Variants in DAB1 observed in about 807,000 individuals in gnomAD.
DAB1 encodes DAB adaptor protein 1, also known as disabled homolog 1.
Under a neutral mutation model 64.6 loss-of-function variants are expected in DAB1, and 15 were observed. The ratio of observed to expected loss-of-function variants is 0.23; its 90% CI spans 0.16 to 0.36. The LOEUF (loss-of-function observed/expected upper bound fraction) is 0.36, where lower values mean the gene tolerates loss of function less well. DAB1 is among the 10% of genes least tolerant of loss of function. The probability of loss-of-function intolerance (pLI) is 1.00; values close to 1 mark genes in which losing one functional copy is unlikely to be tolerated. For missense variants in DAB1, 596 were observed against 706.7 expected (o/e 0.84, Z 1.78); for synonymous variants, 235 against 251.9 (o/e 0.93, Z 0.64).
intron 1 of DAB1, among the ~76,000 whole-genome samples, chr1:57,390,687 A>AAGGAGAAAT (rs1468232258): frequency 6.6e-6 from 1 of 152,248 alleles, no homozygotes; most frequent in Non-Finnish European, 1.5e-5. Context: ...AGGACAAGAC[A>AAGGAGAAAT]AGGAGAAATC....
At chr1:58,219,103 C>T (rs977857237) in intron 4 of DAB1, among the ~76,000 whole-genome samples, 5 of 151,318 alleles carry the variant, frequency 3.3e-5, no homozygotes, top group Non-Finnish European at 7.4e-5. Context: ...GTGATATGAG[C>T]GCTAGAAGAA....
At chr1:57,093,054 C>T (rs1420263455) in intron 4 of DAB1, among the ~76,000 whole-genome samples, 1 of 152,056 alleles carries the variant, frequency 6.6e-6, no homozygotes, top group Non-Finnish European at 1.5e-5. Flanking sequence ...TGCAAAGACC[C>T]AGATAGACCT....
At chr1:58,050,716 A>G (rs1002364911) in intron 5 of DAB1, among the ~76,000 whole-genome samples, 3 of 152,080 alleles carry the variant, frequency 2.0e-5, no homozygotes, top group African/African-American at 7.2e-5. Flanking sequence ...TTTTTAGTAG[A>G]GACGGGGTCT....
chr1:58,021,313 A>T (rs1646812075), intron 5 of DAB1, among the ~76,000 whole-genome samples: 1 of 152,226 alleles, frequency 6.6e-6, no homozygotes, highest in South Asian at 2.1e-4. Context: ...TGCCATCACT[A>T]TTCTAAATGC....
intron 2 of DAB1, among the ~76,000 whole-genome samples, chr1:57,156,670 A>C (rs996295320): frequency 6.6e-6 from 1 of 152,210 alleles, no homozygotes; most frequent in African/African-American, 2.4e-5. Context: ...TCAAGGAATA[A>C]AATTCCTAAT....
At chr1:57,188,240 T>C (rs920093468) in intron 2 of DAB1, among the ~76,000 whole-genome samples, 1 of 152,180 alleles carries the variant, frequency 6.6e-6, no homozygotes, top group Non-Finnish European at 1.5e-5. Context: ...CCAGGCAAGT[T>C]GTCCCATTGA....
intron 4 of DAB1, among the ~76,000 whole-genome samples, chr1:58,291,106 T>C (rs1280821015): frequency 6.6e-6 from 1 of 152,158 alleles, no homozygotes; most frequent in East Asian, 1.9e-4. Flanking sequence ...AAGGAATAAA[T>C]TGAAGTAGCA....
chr1:57,314,769 A>AACAC (rs34741914), intron 1 of DAB1, among the ~76,000 whole-genome samples: 3 of 150,682 alleles, frequency 2.0e-5, no homozygotes, highest in African/African-American at 7.3e-5. Flanking sequence ...AAAAACACAA[A>AACAC]ACACACACAC....
intron 3 of DAB1, among the ~76,000 whole-genome samples, chr1:58,396,958 G>C (rs1224134584): frequency 6.6e-6 from 1 of 151,968 alleles, no homozygotes; most frequent in Non-Finnish European, 1.5e-5. Context: ...CCAGCTACTC[G>C]GGAGGCTGAG....
chr1:57,188,861 G>A (rs753871876), intron 2 of DAB1, among the ~76,000 whole-genome samples: 18 of 152,124 alleles, frequency 1.2e-4, no homozygotes, highest in Middle Eastern at 3.2e-3. Flanking sequence ...TACCAGGCAC[G>A]TTACTAAAAT....
chr1:57,204,452 A>T (rs1279613561), intron 2 of DAB1, among the ~76,000 whole-genome samples: 3 of 33,314 alleles, frequency 9.0e-5, no homozygotes, highest in East Asian at 5.8e-4. Flanking sequence ...GTCTAGATTT[A>T]AAAAAAAAAA....
At chr1:58,165,667 C>T (rs938605100) in intron 4 of DAB1, among the ~76,000 whole-genome samples, 11 of 152,154 alleles carry the variant, frequency 7.2e-5, no homozygotes, top group Non-Finnish European at 1.0e-4. Flanking sequence ...GTATTCCAAG[C>T]CTAGACCACA....
chr1:57,768,492 G>T (rs1649417930), intron 6 of DAB1, among the ~76,000 whole-genome samples: 1 of 150,772 alleles, frequency 6.6e-6, no homozygotes, highest in Non-Finnish European at 1.5e-5. Flanking sequence ...TTTTAAGAGG[G>T]ATTTACCTAT....
intron 6 of DAB1, among the ~76,000 whole-genome samples, chr1:57,667,239 A>G (rs1646459205): frequency 6.6e-6 from 1 of 152,158 alleles, no homozygotes; most frequent in South Asian, 2.1e-4. Context: ...TTACCTTATG[A>G]AAGATTGCAG....
intron 2 of DAB1, among the ~76,000 whole-genome samples, chr1:57,159,781 T>C (rs1660563506): frequency 7.0e-6 from 1 of 141,944 alleles, no homozygotes; most frequent in Non-Finnish European, 1.5e-5. Context: ...CAGCAATTTT[T>C]CCAGACAAAG....
intron 3 of DAB1, among the ~76,000 whole-genome samples, chr1:58,422,591 T>C (rs1185645229): frequency 2.1e-5 from 3 of 144,652 alleles, no homozygotes; most frequent in African/African-American, 5.3e-5. Context: ...GCTGCCACTA[T>C]CAGGAGGCAA....
chr1:57,027,985 G>A (rs1646846011), intron 9 of DAB1, among the ~76,000 whole-genome samples: 1 of 152,178 alleles, frequency 6.6e-6, no homozygotes, highest in South Asian at 2.1e-4. Flanking sequence ...GACTGGTGGG[G>A]AGGTTATCCA....
At chr1:57,580,718 C>A (rs1355063752) in intron 7 of DAB1, among the ~76,000 whole-genome samples, 5 of 152,132 alleles carry the variant, frequency 3.3e-5, no homozygotes, top group Admixed American at 2.0e-4. Context: ...TGCAGCTACT[C>A]GTCACGGAGC....
intron 3 of DAB1, among the ~76,000 whole-genome samples, chr1:58,372,939 G>C (rs1326769427): frequency 6.6e-6 from 1 of 151,992 alleles, no homozygotes; most frequent in Non-Finnish European, 1.5e-5. Context: ...GTCTTGGGTA[G>C]CATCTCTATA....
Sources: gnomAD v4.1 joint callset for allele counts (sites outside exome capture counted in the v4.1 genomes callset) on GRCh38, gnomAD v4.1.1 for gene constraint, MANE v1.5 for transcripts, NCBI Gene and HGNC (gene_info 2026-07-23, HGNC 2026-07-21) for gene names.